Variants in MGAT4C observed in about 807,000 individuals in gnomAD.
The protein encoded by MGAT4C is alpha-1,3-mannosyl-glycoprotein 4-beta-N-acetylglucosaminyltransferase C.
Under a neutral mutation model 40.1 loss-of-function variants are expected in MGAT4C, and 19 were observed. The observed-to-expected ratio is 0.47, with a 90% CI of 0.33 to 0.70. MGAT4C has a LOEUF of 0.70. Among genes scored for constraint, MGAT4C ranks in the 30% least tolerant of loss-of-function variants. The pLI is 0.02. For missense variants in MGAT4C, 491 were observed against 563.2 expected, an observed-to-expected ratio of 0.87 and a Z score of 1.30; for synonymous variants, 181 against 187.1, an observed-to-expected ratio of 0.97 and a Z score of 0.27.
intron 3 of MGAT4C, among the ~76,000 whole-genome samples, chr12:86,345,375 T>C (rs1217643450): frequency 6.6e-6 from 1 of 152,142 alleles, no homozygotes; most frequent in African/African-American, 2.4e-5. Flanking sequence ...GCTGTACCCA[T>C]TAACTCGTCA....
At chr12:86,149,166 T>A (rs571884209) in intron 1 of MGAT4C, among the ~76,000 whole-genome samples, 2 of 152,290 alleles carry the variant, frequency 1.3e-5, no homozygotes, top group East Asian at 1.9e-4. Context: ...GTTTATTTTT[T>A]AAATTTTTTC....
intron 2 of MGAT4C, among the ~76,000 whole-genome samples, chr12:86,703,917 A>G (rs1950407808): frequency 6.6e-6 from 1 of 152,148 alleles, no homozygotes; most frequent in Admixed American, 6.6e-5. Flanking sequence ...GACAGAACAA[A>G]CAGGTACCAA....
At chr12:86,014,888 C>G (rs1248610462) in intron 2 of MGAT4C, among the ~76,000 whole-genome samples, 3 of 151,688 alleles carry the variant, frequency 2.0e-5, no homozygotes, top group African/African-American at 7.3e-5. Flanking sequence ...CTCAAATGAT[C>G]CTCCCACTTC....
intron 1 of MGAT4C, among the ~76,000 whole-genome samples, chr12:86,209,472 A>C (rs1019167915): frequency 6.6e-6 from 1 of 152,172 alleles, no homozygotes; most frequent in Non-Finnish European, 1.5e-5. Flanking sequence ...GTTATCTTTC[A>C]ATATGATTCT....
At chr12:86,127,166 C>G (rs1056760782) in intron 1 of MGAT4C, among the ~76,000 whole-genome samples, 3 of 152,080 alleles carry the variant, frequency 2.0e-5, no homozygotes, top group Non-Finnish European at 2.9e-5. Context: ...GGTTAGGGAC[C>G]CCTGGTATAG....
intron 2 of MGAT4C, among the ~76,000 whole-genome samples, chr12:86,670,920 A>AC (rs1328542899): frequency 6.6e-6 from 1 of 152,222 alleles, no homozygotes; most frequent in Non-Finnish European, 1.5e-5. Flanking sequence ...CACTCTATCA[A>AC]CGAATGAAAC....
intron 1 of MGAT4C, among the ~76,000 whole-genome samples, chr12:86,799,052 T>C (rs1348184663): frequency 1.3e-5 from 2 of 151,828 alleles, no homozygotes; most frequent in Admixed American, 6.6e-5. Context: ...ATTAGCAAAG[T>C]CTGTTATATA....
intron 3 of MGAT4C, among the ~76,000 whole-genome samples, chr12:86,414,563 C>G (rs1040931981): frequency 3.4e-5 from 5 of 147,982 alleles, no homozygotes; most frequent in Admixed American, 1.4e-4. Context: ...ACATGATTTC[C>G]TACCTGTAGG....
chr12:86,269,372 T>G (rs1156803277), intron 4 of MGAT4C, among the ~76,000 whole-genome samples: 1 of 151,726 alleles, frequency 6.6e-6, no homozygotes, highest in Non-Finnish European at 1.5e-5. Flanking sequence ...TTTTTTTTTC[T>G]TTTGGTCATT....
At chr12:86,345,771 T>G (rs1389448421) in intron 3 of MGAT4C, among the ~76,000 whole-genome samples, 1 of 152,204 alleles carries the variant, frequency 6.6e-6, no homozygotes, top group Admixed American at 6.5e-5. Flanking sequence ...ATATACCCAG[T>G]AATGGGATGG....
At chr12:86,467,893 T>C (rs923303097) in intron 2 of MGAT4C, among the ~76,000 whole-genome samples, 1 of 152,062 alleles carries the variant, frequency 6.6e-6, no homozygotes, top group Non-Finnish European at 1.5e-5. Context: ...TTGACAAATA[T>C]CAAATTAATT....
intron 1 of MGAT4C, among the ~76,000 whole-genome samples, chr12:86,210,368 C>T (rs1249299614): frequency 6.6e-6 from 1 of 152,152 alleles, no homozygotes; most frequent in Non-Finnish European, 1.5e-5. Flanking sequence ...CAAAAGTGTG[C>T]ATAACACATT....
At chr12:86,363,887 T>C (rs1955534619) in intron 3 of MGAT4C, among the ~76,000 whole-genome samples, 1 of 152,022 alleles carries the variant, frequency 6.6e-6, no homozygotes, top group Non-Finnish European at 1.5e-5. Flanking sequence ...AATTTATGCC[T>C]ATAAGTTCAA....
intron 1 of MGAT4C, among the ~76,000 whole-genome samples, chr12:86,186,309 C>T (rs1888749135): frequency 6.6e-6 from 1 of 152,138 alleles, no homozygotes; most frequent in African/African-American, 2.4e-5. Context: ...CCCAAAGTCA[C>T]ATCCCCAAAA....
rs575604258 is a variant in MGAT4C at position 86,158,815 on chromosome 12, T to C, written c.-57+97424A>G. Among the ~76,000 whole-genome samples, 19 of 152,270 alleles carry C rather than the reference T, an allele frequency of 1.2e-4. 1 individual carries two copies. The South Asian group carries it at 3.5e-3, about 28-fold the overall frequency. On this transcript the variant is annotated intron_variant, in intron 1 of 4. Coordinates refer to ENST00000611864, the MANE Select transcript of MGAT4C (RefSeq NM_001351288.2). ...TTTGTGGCTATTGTAAGTGGGATTC[T>C]TTTCTTGATTTCACTCTCAGCCTAG...
intron 2 of MGAT4C, among the ~76,000 whole-genome samples, chr12:86,014,112 C>T (rs1888810617): frequency 6.6e-6 from 1 of 152,106 alleles, no homozygotes; most frequent in African/African-American, 2.4e-5. Context: ...CTTCTATTCT[C>T]TCATAATTAG....
At chr12:86,221,711 A>G (rs1346978047) in intron 1 of MGAT4C, among the ~76,000 whole-genome samples, 1 of 152,110 alleles carries the variant, frequency 6.6e-6, no homozygotes, top group Non-Finnish European at 1.5e-5. Flanking sequence ...TCCATATAAA[A>G]CAAATACCTA....
At chr12:86,467,509 T>G (rs1358746635) in intron 2 of MGAT4C, among the ~76,000 whole-genome samples, 1 of 152,184 alleles carries the variant, frequency 6.6e-6, no homozygotes, top group African/African-American at 2.4e-5. Flanking sequence ...TATATTCTAA[T>G]TATATACACA....
chr12:86,188,514 C>G (rs896612591), intron 1 of MGAT4C, among the ~76,000 whole-genome samples: 7 of 151,736 alleles, frequency 4.6e-5, no homozygotes, highest in African/African-American at 1.7e-4. Context: ...TCTAGACAAG[C>G]TGGAAATAGA....
Sources: gnomAD v4.1 joint callset for allele counts (sites outside exome capture counted in the v4.1 genomes callset) on GRCh38, gnomAD v4.1.1 for gene constraint, MANE v1.5 for transcripts, NCBI Gene and HGNC (gene_info 2026-07-23, HGNC 2026-07-21) for gene names.